NEK10: variants seen among roughly 807,000 people sequenced by gnomAD.
NEK10 encodes the protein serine/threonine-protein kinase Nek10.
In NEK10, 122 loss-of-function variants were observed where a neutral mutation model predicts 159.8. The observed-to-expected ratio is 0.76, with a 90% CI of 0.66 to 0.89. The LOEUF is 0.89. Ranked by LOEUF, NEK10 falls within the 40% of genes least tolerant of loss-of-function variation. NEK10 has a pLI of 0.00. For synonymous variants in NEK10, 466 were observed against 457.1 expected, an observed-to-expected ratio of 1.02 and a Z score of -0.25; for missense variants, 1,342 against 1,323.1, an observed-to-expected ratio of 1.01 and a Z score of -0.22.
At chr3:27,268,576 T>C (rs990518526) in intron 22 of NEK10, among the ~76,000 whole-genome samples, 3 of 152,228 alleles carry the variant, frequency 2.0e-5, no homozygotes, top group African/African-American at 7.2e-5. Context: ...ATTTGCAGCA[T>C]GGTTTACTGA....
Position 27,111,267 on chromosome 3 carries a change from C to A in NEK10, c.*5G>T. ...AAAATCAAGTCCACTCAAAATGCAGCATTTTCATCTTTTGGTTGGGTGATT... is the reference window on the plus strand; with the variant it reads ...AAAATCAAGTCCACTCAAAATGCAGAATTTTCATCTTTTGGTTGGGTGATT... On this transcript the variant is annotated 3_prime_UTR_variant, in exon 36 of 36. Transcript: ENST00000691995. 6.2e-7 allele frequency: 1 copy of A among 1,608,756 alleles called. No individual in the cohort carries two copies. The highest frequency in any genetic ancestry group is 8.5e-7 in the Non-Finnish European group (1 of 1,177,144).
At chr3:27,139,344 A>G (rs11712293) in intron 31 of NEK10, among the ~76,000 whole-genome samples, 34,354 of 152,016 alleles carry the variant, frequency 0.23, 4,489 homozygotes, top group Middle Eastern at 0.41. Context: ...AACCTCATCT[A>G]GGACAAATGT....
rs552093854 is a variant in NEK10 at position 27,367,131 on chromosome 3, T to C, written c.-38+2094A>G. On this transcript the variant is annotated intron_variant, in intron 1 of 35. Transcript: ENST00000691995. ...AGCCCAGTGTGTTCATTTTTAAACG[T>C]GAAAGCTTACTATATATAAAGCACT... Among the ~76,000 whole-genome samples, 21 of 152,264 alleles carry C rather than the reference T, an allele frequency of 1.4e-4. 1 individual carries two copies. Among genetic ancestry groups the C allele is most frequent in the Admixed American group, 1.2e-3 (18 of 15,290 alleles).
intron 25 of NEK10, among the ~76,000 whole-genome samples, chr3:27,201,204 G>A (rs1198308461): frequency 6.6e-6 from 1 of 152,074 alleles, no homozygotes; most frequent in Non-Finnish European, 1.5e-5. Flanking sequence ...GGTTTGTCAT[G>A]GTTACAAACA....
chr3:27,127,630 C>T (rs1166657750), intron 32 of NEK10, among the ~76,000 whole-genome samples: 2 of 152,098 alleles, frequency 1.3e-5, no homozygotes, highest in South Asian at 2.1e-4. Context: ...TCTTGTGGGA[C>T]CACTGTCATA....
intron 23 of NEK10, among the ~76,000 whole-genome samples, chr3:27,207,460 A>C (rs962813827): frequency 6.6e-6 from 1 of 152,200 alleles, no homozygotes; most frequent in South Asian, 2.1e-4. Flanking sequence ...TGTTCCCTTA[A>C]TAAGTGTTAG....
At chr3:27,290,036 C>A (rs144532595) in intron 19 of NEK10, among the ~76,000 whole-genome samples, 74 of 152,282 alleles carry the variant, frequency 4.9e-4, no homozygotes, top group African/African-American at 1.7e-3. Flanking sequence ...GAAAAAGAAA[C>A]CAATGTGTTC....
intron 10 of NEK10, 32 bp from the exon 11 acceptor site, chr3:27,307,977 A>C: frequency 9.3e-7 from 1 of 1,072,438 alleles, no homozygotes; most frequent in East Asian, 2.4e-5. Context: ...CAATTACTAA[A>C]AGCATATTTT....
intron 1 of NEK10, among the ~76,000 whole-genome samples, chr3:27,357,928 C>T (rs955903439): frequency 3.3e-5 from 5 of 152,136 alleles, no homozygotes; most frequent in African/African-American, 1.2e-4. Context: ...GGTGGACTCT[C>T]CATTTAAACC....
intron 3 of NEK10, among the ~76,000 whole-genome samples, chr3:27,350,631 T>G (rs2047901668): frequency 6.6e-6 from 1 of 152,126 alleles, no homozygotes; most frequent in Non-Finnish European, 1.5e-5. Context: ...TTTTTGTACA[T>G]GTGAAAGATT....
chr3:27,190,592 A>G (rs1949021337), intron 26 of NEK10, among the ~76,000 whole-genome samples: 1 of 152,186 alleles, frequency 6.6e-6, no homozygotes, highest in African/African-American at 2.4e-5. Flanking sequence ...TAGATTGTAA[A>G]CTAATGCCAC....
chr3:27,204,315 T>TTTGTTTTGTTTTG (rs1950323018), intron 23 of NEK10, among the ~76,000 whole-genome samples: 2 of 113,184 alleles, frequency 1.8e-5, no homozygotes, highest in South Asian at 3.3e-4. Flanking sequence ...TTTTTTTTTT[T>TTTGTTTTGTTTTG]TTTTTTATTA....
chr3:27,162,294 T>C (rs1418665856), intron 30 of NEK10: 2 of 1,230,922 alleles, frequency 1.6e-6, no homozygotes, highest in African/African-American at 3.0e-5. Flanking sequence ...GAAGGCATTT[T>C]GTTACCATCA....
chr3:27,248,678 T>A (rs1326354714), intron 23 of NEK10, among the ~76,000 whole-genome samples: 1 of 152,234 alleles, frequency 6.6e-6, no homozygotes, highest in African/African-American at 2.4e-5. Flanking sequence ...ATTCCTCTTG[T>A]CACTGATTTC....
chr3:27,282,744 G>A (rs998307302), intron 22 of NEK10, among the ~76,000 whole-genome samples: 51 of 141,808 alleles, frequency 3.6e-4, no homozygotes, highest in African/African-American at 1.3e-3. Context: ...ATACATAACT[G>A]TGTTATATAT....
In NEK10 at chr3:27,209,845, T is replaced by G. The variant is rs563370261; in HGVS notation, c.2091-7288A>C. Among the ~76,000 whole-genome samples, 4 of 151,556 alleles carry G rather than the reference T, an allele frequency of 2.6e-5. No individual in the cohort carries two copies. In the Admixed American group the frequency reaches 2.7e-4, roughly 10 times the overall value. On this transcript the variant is annotated intron_variant, in intron 23 of 35. Coordinates refer to ENST00000691995, the MANE Select transcript of NEK10 (RefSeq NM_001394966.1). ...TTTCCATATAGCTATTCAAAGGAAC[T>G]GCAAACCACAGAAATCTTCTTGAAA...
intron 30 of NEK10, among the ~76,000 whole-genome samples, chr3:27,145,475 C>T (rs1391060143): frequency 1.3e-5 from 2 of 152,044 alleles, no homozygotes; most frequent in East Asian, 1.9e-4. Context: ...TACTTAAAAG[C>T]GTCAAAAAGT....
chr3:27,182,568 A>T (rs1158305723), intron 26 of NEK10, among the ~76,000 whole-genome samples: 1 of 151,838 alleles, frequency 6.6e-6, no homozygotes, highest in East Asian at 1.9e-4. Context: ...TGGAAATACC[A>T]TATGATCCAG....
In NEK10 at chr3:27,155,239, C is replaced by T. The variant is rs193109501; in HGVS notation, c.2869+7462G>A. 3.7e-3 allele frequency among the ~76,000 whole-genome samples: 562 copies of T among 152,242 alleles called. 6 individuals carry two copies. Among genetic ancestry groups the T allele is most frequent in the African/African-American group, 0.012 (494 of 41,536 alleles). ...CAAATACTGGCTGGGCGTGGTGGCT[C>T]ACACCTGTAATCCCAGCAGTTTGGG... On this transcript the variant is annotated intron_variant, in intron 30 of 35. Transcript: ENST00000691995.
Sources: allele counts gnomAD v4.1 joint callset (sites outside exome capture counted in the v4.1 genomes callset), GRCh38; gene constraint gnomAD v4.1.1; transcripts MANE v1.5; gene names NCBI Gene and HGNC (gene_info 2026-07-23, HGNC 2026-07-21).